The following MVB12B variants were observed in gnomAD, a reference collection of about 807,000 sequenced individuals.
MVB12B encodes ESCRT-I complex subunit MVB12B.
In MVB12B, 16 loss-of-function variants were observed where a neutral mutation model predicts 41.6. The observed-to-expected ratio is 0.38, with a 90% CI of 0.26 to 0.58. The LOEUF is 0.58. Among genes scored for constraint, MVB12B ranks in the 20% least tolerant of loss-of-function variants. The pLI, the probability that MVB12B is intolerant of heterozygous loss-of-function variation, is 0.62. For synonymous variants in MVB12B, 133 were observed against 139.7 expected (o/e 0.95, Z 0.34); for missense variants, 274 against 380.2 (o/e 0.72, Z 2.32).
chr9:126,474,962 G>A (rs1443916046), intron 7 of MVB12B, among the ~76,000 whole-genome samples: 1 of 152,158 alleles, frequency 6.6e-6, no homozygotes, highest in African/African-American at 2.4e-5. Context: ...GACTCATCCG[G>A]GCACCAGGAC....
In MVB12B at chr9:126,468,451, C is replaced by T. The variant is rs10987289; in HGVS notation, c.758-12918C>T. Among the ~76,000 whole-genome samples, 910 of 152,340 alleles carry T rather than the reference C, an allele frequency of 6.0e-3. 48 individuals are homozygous for T. The East Asian group carries it at 0.14, about 24-fold the overall frequency. ...TCTGCTGCTTTTCCGCTGGCCCCCACGCCCCGTCAGTACCTGGCATTTCAT... is the reference window on the plus strand; with the variant it reads ...TCTGCTGCTTTTCCGCTGGCCCCCATGCCCCGTCAGTACCTGGCATTTCAT... On this transcript the variant is annotated intron_variant, in intron 7 of 9. Transcript: ENST00000361171. The surrounding 1 kb of genome is among the most constrained non-coding windows in gnomAD (Gnocchi z 4.3).
In MVB12B at chr9:126,481,228, C is replaced by G. The variant is rs1266612052; in HGVS notation, c.758-141C>G. 11 of 746,910 alleles carry G rather than the reference C, an allele frequency of 1.5e-5. No homozygotes were observed. The East Asian group carries it at 2.7e-4, about 18-fold the overall frequency. The allele number at this position is 746,910 out of a possible 1,614,324, so 46.3% of individuals were successfully genotyped here. A position where few individuals can be genotyped will look rare whatever the true frequency, so the allele number is the denominator to read the frequency against. ...GGGTGGGACCTGTCCTCTTTCATAG[C>G]TCCAGCACATCTGTGCTGGATGTCA... On this transcript the variant is annotated intron_variant, in intron 7 of 9. Coordinates refer to ENST00000361171, the MANE Select transcript of MVB12B (RefSeq NM_033446.3).
At chr9:126,421,059 C>A (rs1832001111) in intron 6 of MVB12B, among the ~76,000 whole-genome samples, 1 of 152,034 alleles carries the variant, frequency 6.6e-6, no homozygotes, top group Non-Finnish European at 1.5e-5. Flanking sequence ...GTTTTTTTCC[C>A]CCAGTCCTGT....
rs990062154 is a variant in MVB12B, at chr9:126,473,859, T to C, written c.758-7510T>C. Reference sequence around the variant, plus strand: ...AGTGGTAATGTTGAGGCTTGAGTTATTTGATGCCTGTTCACCACCTTGTGT... The same window carrying C: ...AGTGGTAATGTTGAGGCTTGAGTTACTTGATGCCTGTTCACCACCTTGTGT... On this transcript the variant is annotated intron_variant, in intron 7 of 9. Transcript: ENST00000361171. This position sits in a 1 kb window ranked among gnomAD's most constrained non-coding sequence, Gnocchi z 4.0. Among the ~76,000 whole-genome samples, 16 of 152,212 alleles carry C rather than the reference T, an allele frequency of 1.1e-4. No homozygotes were observed. Among genetic ancestry groups the C allele is most frequent in the African/African-American group, 3.9e-4 (16 of 41,446 alleles).
intron 9 of MVB12B, among the ~76,000 whole-genome samples, chr9:126,487,946 A>G (rs1833654545): frequency 6.6e-6 from 1 of 152,222 alleles, no homozygotes; most frequent in Non-Finnish European, 1.5e-5. Context: ...TGAGGACTTA[A>G]AAGTTCCTTA....
intron 7 of MVB12B, among the ~76,000 whole-genome samples, chr9:126,463,014 A>G (rs142169527): frequency 3.3e-4 from 51 of 152,374 alleles, no homozygotes; most frequent in African/African-American, 1.2e-3. Flanking sequence ...TTCCAGATCA[A>G]AGCGCATGTC....
At chr9:126,351,455 A>G (rs1305154095) in intron 2 of MVB12B, among the ~76,000 whole-genome samples, 2 of 146,584 alleles carry the variant, frequency 1.4e-5, no homozygotes, top group East Asian at 4.0e-4. Flanking sequence ...ATTGCTGATC[A>G]TAGGTGGAAA....
At chr9:126,485,744 T>A (rs1833606500) in intron 9 of MVB12B, among the ~76,000 whole-genome samples, 1 of 129,098 alleles carries the variant, frequency 7.7e-6, no homozygotes, top group South Asian at 2.8e-4. Context: ...TTTCAAACAG[T>A]TCACACATTT....
intron 7 of MVB12B, among the ~76,000 whole-genome samples, chr9:126,430,410 TG>T (rs1832299108): frequency 2.0e-5 from 3 of 152,166 alleles, no homozygotes; most frequent in African/African-American, 7.2e-5. Flanking sequence ...GCTGTGGCTC[TG>T]AAGGCCACTC....
chr9:126,416,313 GC>G (rs1428691275), intron 6 of MVB12B, among the ~76,000 whole-genome samples: 2 of 152,202 alleles, frequency 1.3e-5, no homozygotes, highest in African/African-American at 2.4e-5. Flanking sequence ...GCCCTGGGAG[GC>G]AACACACCCC....
chr9:126,479,016 G>T (rs962933881), intron 7 of MVB12B, among the ~76,000 whole-genome samples: 2 of 152,200 alleles, frequency 1.3e-5, no homozygotes, highest in Non-Finnish European at 2.9e-5. Context: ...ACCTGGGCGT[G>T]CAGAGAGGAC....
At chr9:126,379,328 C>T (rs755709385) in intron 2 of MVB12B, among the ~76,000 whole-genome samples, 5 of 152,150 alleles carry the variant, frequency 3.3e-5, no homozygotes, top group Non-Finnish European at 5.9e-5. Flanking sequence ...TGAGGAAATA[C>T]AGTAAAGTTG....
At chr9:126,462,741 T>A (rs1006512225) in intron 7 of MVB12B, among the ~76,000 whole-genome samples, 1 of 152,178 alleles carries the variant, frequency 6.6e-6, no homozygotes, top group African/African-American at 2.4e-5. Context: ...AATTGTTCAT[T>A]TGTGGGACTG....
chr9:126,336,134 G>A (rs555041247), intron 1 of MVB12B, among the ~76,000 whole-genome samples: 10 of 152,318 alleles, frequency 6.6e-5, no homozygotes, highest in African/African-American at 1.4e-4. Context: ...TAAACTCCTC[G>A]GCCCACACCC....
At position 126,391,177 on chromosome 9, in the gene MVB12B, AC is replaced by A. The variant is rs1215960707; in HGVS notation, c.410-888del. Among the ~76,000 whole-genome samples the A allele has an allele frequency of 2.6e-5, 4 of 152,194 alleles. No individual in the cohort carries two copies. Among genetic ancestry groups the A allele is most frequent in the Non-Finnish European group, 5.9e-5 (4 of 68,048 alleles). Reference sequence around the variant, plus strand: ...CCTCACTATATGACAGCCTAGACTTACGTGTACCCCGGACGGCGTGCATGCC... The same window carrying A: ...CCTCACTATATGACAGCCTAGACTTAGTGTACCCCGGACGGCGTGCATGCC... On this transcript the variant is annotated intron_variant, in intron 4 of 9. Transcript: ENST00000361171. This position sits in a 1 kb window ranked among gnomAD's most constrained non-coding sequence, Gnocchi z 4.4.
chr9:126,365,423 C>T (rs1830150043), intron 2 of MVB12B, among the ~76,000 whole-genome samples: 1 of 151,050 alleles, frequency 6.6e-6, no homozygotes, highest in Admixed American at 6.6e-5. Context: ...ACCTTCGTCT[C>T]CCAGGTTCAA....
intron 8 of MVB12B, among the ~76,000 whole-genome samples, chr9:126,483,363 A>G (rs575843201): frequency 1.3e-5 from 2 of 152,302 alleles, no homozygotes; most frequent in African/African-American, 2.4e-5. Flanking sequence ...GAAATTATAA[A>G]AACTCTCATT....
At chr9:126,335,210 T>C in intron 1 of MVB12B, 1 of 1,160,870 alleles carries the variant, frequency 8.6e-7, no homozygotes, top group South Asian at 1.7e-5. Flanking sequence ...TCCAGCAGCA[T>C]TTGTCAGAGT....
chr9:126,495,827 C>T (rs1323857741), intron 9 of MVB12B, among the ~76,000 whole-genome samples: 1 of 152,178 alleles, frequency 6.6e-6, no homozygotes, highest in African/African-American at 2.4e-5. Context: ...TATTGTGAAA[C>T]ACCGCACAGG....
Sources: allele counts gnomAD v4.1 joint callset (sites outside exome capture counted in the v4.1 genomes callset), GRCh38; gene constraint gnomAD v4.1.1; non-coding constraint Gnocchi (gnomAD v3.1); transcripts MANE v1.5; gene names NCBI Gene and HGNC (gene_info 2026-07-23, HGNC 2026-07-21).